FAAH2: variants seen among roughly 807,000 people sequenced by gnomAD.
The protein encoded by FAAH2 is fatty acid amide hydrolase 2.
Under a neutral mutation model 36.9 loss-of-function variants are expected in FAAH2, and 60 were observed. The observed-to-expected ratio is 1.63, with a 90% CI of 1.32 to 2.02. The LOEUF is 2.02. Ranked by LOEUF, FAAH2 falls within the 30% of genes most tolerant of loss-of-function variation. The pLI is 0.00. For missense variants in FAAH2, 689 were observed against 397.5 expected (o/e 1.73, Z -6.23); for synonymous variants, 214 against 143.8 (o/e 1.49, Z -3.49).
At chrX:57,387,066 A>G (rs1472102989) in intron 7 of FAAH2, among the ~76,000 whole-genome samples, 2 of 112,121 alleles carry the variant, frequency 1.8e-5, no homozygotes, top group African/African-American at 6.5e-5. Context: ...AGTTGGTTCC[A>G]TAAGAGAAAT....
intron 10 of FAAH2, among the ~76,000 whole-genome samples, chrX:57,463,008 C>A (rs1268860199): frequency 9.0e-6 from 1 of 111,601 alleles, no homozygotes; most frequent in Non-Finnish European, 1.9e-5. Context: ...TCCTATACAC[C>A]AATAATAGAC....
At chrX:57,174,945 C>T in the FAAH2 span, among the ~76,000 whole-genome samples, 1 of 111,646 alleles carries the variant, frequency 9.0e-6, no homozygotes, top group African/African-American at 3.2e-5. Context: ...TGAGAAGATG[C>T]TCGGTATGAT....
chrX:57,378,070 T>C (rs1014264022), intron 5 of FAAH2, among the ~76,000 whole-genome samples: 4 of 111,841 alleles, frequency 3.6e-5, no homozygotes, highest in African/African-American at 1.3e-4. Flanking sequence ...AAAGGCCTTA[T>C]AGTTTCACTT....
At chrX:57,414,544 C>G (rs1275850171) in intron 7 of FAAH2, among the ~76,000 whole-genome samples, 1 of 111,647 alleles carries the variant, frequency 9.0e-6, no homozygotes, top group East Asian at 2.8e-4. Context: ...ATTGGACAAG[C>G]CTTGCATCCC....
chrX:57,286,359 C>A (rs2051809987), upstream of FAAH2, among the ~76,000 whole-genome samples: 1 of 112,186 alleles, frequency 8.9e-6, no homozygotes, highest in Non-Finnish European at 1.9e-5. Flanking sequence ...CTGAAATAAA[C>A]TATAACAACT....
chrX:57,150,255 T>C, the FAAH2 span, among the ~76,000 whole-genome samples: 2 of 111,541 alleles, frequency 1.8e-5, no homozygotes, highest in Non-Finnish European at 3.8e-5. Context: ...GGGTGGAGAG[T>C]TCTGTAGGTG....
At chrX:57,169,228 C>G in the FAAH2 span, among the ~76,000 whole-genome samples, 2 of 107,074 alleles carry the variant, frequency 1.9e-5, no homozygotes, top group African/African-American at 6.7e-5. Flanking sequence ...CCTTAAAGGC[C>G]CTATCTCCAA....
the FAAH2 span, among the ~76,000 whole-genome samples, chrX:57,237,547 A>G: frequency 9.0e-6 from 1 of 110,814 alleles, no homozygotes; most frequent in African/African-American, 3.3e-5. Context: ...AATTTCATGA[A>G]CCTATCTATT....
chrX:57,483,715 T>G (rs2057420790), intron 10 of FAAH2, among the ~76,000 whole-genome samples: 2 of 109,239 alleles, frequency 1.8e-5, no homozygotes, highest in Non-Finnish European at 3.8e-5. Flanking sequence ...CTGAGAATGT[T>G]ACTGTGTAGT....
the FAAH2 span, among the ~76,000 whole-genome samples, chrX:57,214,829 A>G: frequency 3.6e-5 from 4 of 111,472 alleles, no homozygotes; most frequent in Non-Finnish European, 7.5e-5. Flanking sequence ...ACTCCAGCAT[A>G]AGATCCAAAT....
chrX:57,243,797 G>T, the FAAH2 span, among the ~76,000 whole-genome samples: 2 of 110,982 alleles, frequency 1.8e-5, no homozygotes, highest in East Asian at 5.8e-4. Flanking sequence ...AGAGAAACAA[G>T]CGAAAAAAGG....
the FAAH2 span, among the ~76,000 whole-genome samples, chrX:57,269,283 T>A: frequency 9.0e-6 from 1 of 111,412 alleles, no homozygotes; most frequent in Non-Finnish European, 1.9e-5. Flanking sequence ...GTGGGATATT[T>A]TAACACCCCA....
intron 7 of FAAH2, among the ~76,000 whole-genome samples, chrX:57,419,230 C>A (rs1292354447): frequency 2.7e-5 from 3 of 110,857 alleles, no homozygotes; most frequent in African/African-American, 9.9e-5. Context: ...TGGGTATATA[C>A]CCAGTAATGG....
rs73626273 is a variant in FAAH2 at position 57,433,626 on chromosome X, C to T, written c.1116+1589C>T. 6.2e-3 allele frequency among the ~76,000 whole-genome samples: 695 copies of T among 111,734 alleles called. 2 individuals carry two copies. The highest frequency in any genetic ancestry group is 0.022 in the African/African-American group (669 of 30,812). On this transcript the variant is annotated intron_variant, in intron 8 of 10. Coordinates refer to ENST00000374900, the MANE Select transcript of FAAH2 (RefSeq NM_174912.4). ...TATTATTTCTTTGTGGTGTAACTTT[C>T]CAATTCCACTCTCTTGTTTTATAAT...
chrX:57,276,140 A>C, the FAAH2 span, among the ~76,000 whole-genome samples: 3 of 111,854 alleles, frequency 2.7e-5, no homozygotes, highest in Admixed American at 1.9e-4. Context: ...GCACCACATC[A>C]CACTTATTCT....
At chrX:57,143,822 G>T in the FAAH2 span, among the ~76,000 whole-genome samples, 4 of 111,568 alleles carry the variant, frequency 3.6e-5, no homozygotes, top group Non-Finnish European at 7.5e-5. Flanking sequence ...TCACAGTAAA[G>T]ATATAAGTGG....
chrX:57,438,755 C>T (rs1319116819), intron 8 of FAAH2, among the ~76,000 whole-genome samples: 6 of 83,656 alleles, frequency 7.2e-5, no homozygotes, highest in Non-Finnish European at 1.2e-4. Flanking sequence ...TCCCCCCTCC[C>T]CCCACCCCAC....
chrX:57,454,253 C>G (rs1056032960), intron 10 of FAAH2, among the ~76,000 whole-genome samples: 11 of 112,252 alleles, frequency 9.8e-5, no homozygotes, highest in African/African-American at 2.9e-4. Flanking sequence ...AAAGATCCAG[C>G]CAGAAATAAA....
chrX:57,300,890 G>C (rs1415951934), intron 2 of FAAH2, among the ~76,000 whole-genome samples: 2 of 112,189 alleles, frequency 1.8e-5, no homozygotes, highest in Non-Finnish European at 3.8e-5. Context: ...TCAGAGAAAT[G>C]CAAATCAAAA....
Sources: allele counts gnomAD v4.1 joint callset (sites outside exome capture counted in the v4.1 genomes callset), GRCh38; gene constraint gnomAD v4.1.1; transcripts MANE v1.5; gene names NCBI Gene and HGNC (gene_info 2026-07-23, HGNC 2026-07-21).